NSF: variants seen among roughly 807,000 people sequenced by gnomAD.
The protein encoded by NSF is N-ethylmaleimide sensitive factor, vesicle fusing ATPase.
NSF carries 14 observed loss-of-function variants against 50.3 expected under a neutral mutation model. The ratio of observed to expected loss-of-function variants is 0.28; its 90% CI spans 0.18 to 0.44. The LOEUF (loss-of-function observed/expected upper bound fraction) is 0.44. NSF is among the 20% of genes least tolerant of loss of function. NSF has a pLI of 1.00. For missense variants in NSF, 218 were observed against 504.3 expected (o/e 0.43, Z 5.44); for synonymous variants, 109 against 175.7 (o/e 0.62, Z 3.00).
At chr17:46,732,367 C>G (rs2058958652) in intron 17 of NSF, among the ~76,000 whole-genome samples, 2 of 150,462 alleles carry the variant, frequency 1.3e-5, no homozygotes, top group Admixed American at 1.3e-4. Flanking sequence ...ACCACCCCCT[C>G]CCTTCTTGTA....
chr17:46,733,932 C>T (rs921996827), intron 17 of NSF, among the ~76,000 whole-genome samples: 19 of 152,192 alleles, frequency 1.2e-4, no homozygotes, highest in Admixed American at 1.2e-3. Flanking sequence ...GAGAGAAATA[C>T]AGCTTAAAGC....
chr17:46,612,210 A>C (rs1293502144), intron 1 of NSF, among the ~76,000 whole-genome samples: 2 of 107,414 alleles, frequency 1.9e-5, no homozygotes, highest in Non-Finnish European at 3.7e-5. Context: ...GGATGGTCAT[A>C]CTTTTTTTTT....
chr17:46,727,441 C>A (rs1350298752), intron 16 of NSF, among the ~76,000 whole-genome samples: 1 of 152,092 alleles, frequency 6.6e-6, no homozygotes, highest in Admixed American at 6.6e-5. Context: ...AAAATACTAC[C>A]CAGTGTCTGA....
Position 46,751,732 on chromosome 17 carries a change from A to G in NSF, c.2157+116A>G, listed in dbSNP as rs2059183750. On this transcript the variant is annotated intron_variant, in intron 19 of 20. Transcript: ENST00000398238. The stretch of plus-strand genomic sequence containing the variant: ...TTAATTTAAGTTTTGATTTTCTTAT[A>G]TTATTTCCAAACTTAATTTGGTATT... The G allele has an allele frequency of 6.7e-6, 4 of 600,364 alleles. No homozygotes were observed. In the South Asian group the frequency reaches 9.7e-5, roughly 15 times the overall value. The allele number at this position is 600,364 out of a possible 1,614,324, so 37.2% of individuals were successfully genotyped here.
In NSF at chr17:46,728,752, G is replaced by A. The variant is rs2058918119; in HGVS notation, c.1829-103G>A. ...TTCTATACATATTCTGCTTATGTAG[G>A]GACTGTGTTTACTTTTGATGCAAAA... On this transcript the variant is annotated intron_variant, in intron 16 of 20. Transcript: ENST00000398238. The A allele has an allele frequency of 4.4e-6, 3 of 683,916 alleles. No individual in the cohort carries two copies. The Admixed American group carries it at 8.6e-5, about 20-fold the overall frequency. The allele number at this position is 683,916 out of a possible 1,614,324, so 42.4% of individuals were successfully genotyped here.
At chr17:46,735,633 C>G (rs1251988138) in intron 17 of NSF, among the ~76,000 whole-genome samples, 1 of 152,030 alleles carries the variant, frequency 6.6e-6, no homozygotes, top group Admixed American at 6.6e-5. Context: ...TGTAGTGAAG[C>G]CCTTTGTAAA....
intron 17 of NSF, among the ~76,000 whole-genome samples, chr17:46,729,920 A>G (rs1236427445): frequency 1.3e-5 from 2 of 152,238 alleles, no homozygotes; most frequent in Non-Finnish European, 2.9e-5. Context: ...GAAGATTTGC[A>G]ACATATGTGT....
rs979452645 is a variant in NSF at position 46,756,995 on chromosome 17, C to T, written c.*1172C>T. ...GATGAGACTTATGGAGTGTGCCTCT[C>T]TCTCCCAACTGCTGCTTAAAATGCA... is the stretch of plus-strand genomic sequence containing the variant. On this transcript the variant is annotated 3_prime_UTR_variant, in exon 21 of 21. Coordinates refer to ENST00000398238, the MANE Select transcript of NSF (RefSeq NM_006178.4). 2.0e-5 allele frequency: 3 copies of T among 152,066 alleles called. No individual in the cohort carries two copies. Among genetic ancestry groups the T allele is most frequent in the African/African-American group, 7.3e-5 (3 of 41,356 alleles). 9.4% of individuals were successfully genotyped at this position (152,066 alleles called of 1,614,324 possible). A position where few individuals can be genotyped will look rare whatever the true frequency, so the allele number is the denominator to read the frequency against.
chr17:46,726,643 A>G (rs2058892563), intron 16 of NSF, 28 bp downstream of exon 16: 2 of 1,591,984 alleles, frequency 1.3e-6, no homozygotes, highest in Non-Finnish European at 1.7e-6. Flanking sequence ...CTGTTGTATT[A>G]TCTTTGCCAC....
intron 15 of NSF, among the ~76,000 whole-genome samples, chr17:46,721,006 C>T (rs1210871171): frequency 6.6e-6 from 1 of 152,196 alleles, no homozygotes; most frequent in Non-Finnish European, 1.5e-5. Context: ...GGTGGCTCCC[C>T]AGTTGTCTGA....
intron 17 of NSF, among the ~76,000 whole-genome samples, chr17:46,746,073 T>C (rs148778037): frequency 6.6e-6 from 1 of 152,328 alleles, no homozygotes; most frequent in Non-Finnish European, 1.5e-5. Flanking sequence ...TTGTGCGTAA[T>C]ACCTCCACCT....
chr17:46,753,060 C>T (rs12603920), intron 19 of NSF, among the ~76,000 whole-genome samples: 23,123 of 152,154 alleles, frequency 0.15, 3,445 homozygotes, highest in East Asian at 0.6. Context: ...TGAGCCACTG[C>T]GCCCGGCCAG....
At chr17:46,720,450 A>C (rs2146280178) in intron 15 of NSF, among the ~76,000 whole-genome samples, 2 of 152,226 alleles carry the variant, frequency 1.3e-5, no homozygotes, top group Admixed American at 1.3e-4. Context: ...AAGCAGGGAG[A>C]ACAAATAAAG....
intron 17 of NSF, among the ~76,000 whole-genome samples, chr17:46,736,707 T>A (rs2059009069): frequency 6.6e-6 from 1 of 152,256 alleles, no homozygotes; most frequent in Non-Finnish European, 1.5e-5. Context: ...ACTAATTTGC[T>A]GCTAACCACT....
chr17:46,741,072 A>G (rs997431327), intron 17 of NSF, among the ~76,000 whole-genome samples: 1 of 152,206 alleles, frequency 6.6e-6, no homozygotes, highest in African/African-American at 2.4e-5. Flanking sequence ...GTTTAAAATT[A>G]CACAAATAAA....
intron 15 of NSF, chr17:46,722,065 C>T: frequency 3.1e-6 from 5 of 1,610,432 alleles, no homozygotes; most frequent in East Asian, 2.2e-5. Flanking sequence ...CCTTGAGGTC[C>T]GAGTTCATCT....
chr17:46,731,483 G>A (rs1430833118), intron 17 of NSF, among the ~76,000 whole-genome samples: 2 of 152,144 alleles, frequency 1.3e-5, no homozygotes, highest in African/African-American at 2.4e-5. Flanking sequence ...TGGGTAAACT[G>A]TGTGCTCTGT....
chr17:46,691,473 C>T (rs1243405122), intron 9 of NSF, among the ~76,000 whole-genome samples: 2 of 126,310 alleles, frequency 1.6e-5, no homozygotes, highest in Non-Finnish European at 3.3e-5. Context: ...CACATGCCTA[C>T]AATCCCAGCT....
chr17:46,704,909 C>G (rs1475378574), intron 13 of NSF, 55 bp downstream of exon 13: 1 of 1,554,206 alleles, frequency 6.4e-7, no homozygotes, highest in African/African-American at 1.4e-5. Context: ...AATAATAACT[C>G]AGGCGAAAAG....
Sources: gnomAD v4.1 joint callset for allele counts (sites outside exome capture counted in the v4.1 genomes callset) on GRCh38, gnomAD v4.1.1 for gene constraint, MANE v1.5 for transcripts, NCBI Gene and HGNC (gene_info 2026-07-23, HGNC 2026-07-21) for gene names.